The following EXOC4 variants were observed in gnomAD, a reference collection of about 807,000 sequenced individuals.
EXOC4 encodes the protein exocyst complex component 4, also known as SEC8-like 1.
In EXOC4, 71 loss-of-function variants were observed where a neutral mutation model predicts 107.2. The observed-to-expected ratio is 0.66, with a 90% CI of 0.55 to 0.81. EXOC4 has a LOEUF of 0.81. Among genes scored for constraint, EXOC4 ranks in the 30% least tolerant of loss-of-function variants. The probability of loss-of-function intolerance (pLI) is 0.00; values close to 1 mark genes in which losing one functional copy is unlikely to be tolerated. For missense variants in EXOC4, 1,108 were observed against 1,189.6 expected, an observed-to-expected ratio of 0.93 and a Z score of 1.01; for synonymous variants, 456 against 441.2, an observed-to-expected ratio of 1.03 and a Z score of -0.42.
At chr7:133,547,562 T>C (rs1427219304) in intron 9 of EXOC4, among the ~76,000 whole-genome samples, 2 of 152,222 alleles carry the variant, frequency 1.3e-5, no homozygotes, top group South Asian at 4.1e-4. Context: ...CTTTCAACAT[T>C]GGAGTCAATC....
chr7:133,575,612 G>T (rs1430711971), intron 9 of EXOC4, among the ~76,000 whole-genome samples: 1 of 152,182 alleles, frequency 6.6e-6, no homozygotes, highest in African/African-American at 2.4e-5. Flanking sequence ...TGTCCGAAGA[G>T]AACCAGTTCT....
chr7:133,610,462 G>C lies in EXOC4; in HGVS notation c.1418-19583G>C, dbSNP rs116173948. The stretch of plus-strand genomic sequence containing the variant: ...TTTATAAAGTCAGATCTGCCTTCTT[G>C]AAAGTTCCAACCTGTTTATTTTAAT... On this transcript the variant is annotated intron_variant, in intron 9 of 17. Transcript: ENST00000253861. 2.0e-3 allele frequency among the ~76,000 whole-genome samples: 311 copies of C among 152,204 alleles called. 3 individuals carry two copies. Among genetic ancestry groups the C allele is most frequent in the African/African-American group, 7.2e-3 (297 of 41,532 alleles).
At chr7:133,982,908 T>C (rs147057656) in intron 14 of EXOC4, among the ~76,000 whole-genome samples, 9 of 152,322 alleles carry the variant, frequency 5.9e-5, no homozygotes, top group African/African-American at 2.2e-4. Flanking sequence ...AAGATAAAAG[T>C]GAGGTTGTAC....
intron 17 of EXOC4, among the ~76,000 whole-genome samples, chr7:134,048,380 T>C (rs1265141269): frequency 6.6e-6 from 1 of 152,188 alleles, no homozygotes; most frequent in African/African-American, 2.4e-5. Flanking sequence ...GTCATCAAAG[T>C]TTAACTATAA....
chr7:133,423,799 G>A (rs1563060099), intron 7 of EXOC4, among the ~76,000 whole-genome samples: 2 of 152,142 alleles, frequency 1.3e-5, no homozygotes, highest in African/African-American at 4.8e-5. Context: ...TGGCCGGCAC[G>A]GGATCTGGGT....
At position 133,463,687 on chromosome 7, in the gene EXOC4, C is replaced by T. The variant is rs550099074; in HGVS notation, c.1183-11641C>T. ...ACTCAAGTAGTTAGGTTGTAAAATA[C>T]AGTAATCAAACTCATTGAAGTGAAA... On this transcript the variant is annotated intron_variant, in intron 7 of 17. Transcript: ENST00000253861. Among the ~76,000 whole-genome samples, 122 of 151,878 alleles carry T rather than the reference C, an allele frequency of 8.0e-4. 2 individuals are homozygous for T. Among genetic ancestry groups the T allele is most frequent in the Non-Finnish European group, 1.6e-4 (11 of 67,980 alleles).
At chr7:133,596,651 T>A (rs1801682155) in intron 9 of EXOC4, among the ~76,000 whole-genome samples, 1 of 152,188 alleles carries the variant, frequency 6.6e-6, no homozygotes, top group Admixed American at 6.5e-5. Flanking sequence ...CCAGCTTCAT[T>A]TCCCTGCCAA....
chr7:133,629,961 A>G (rs371179648), intron 9 of EXOC4, 84 bp from the exon 10 acceptor site: 1 of 925,266 alleles, frequency 1.1e-6, no homozygotes, highest in Admixed American at 1.8e-5. Context: ...TTATGACAGT[A>G]TAGGACTCAT....
chr7:133,910,359 C>T (rs1338630442), intron 12 of EXOC4, among the ~76,000 whole-genome samples: 2 of 152,044 alleles, frequency 1.3e-5, no homozygotes, highest in African/African-American at 2.4e-5. Flanking sequence ...CTAAATTATC[C>T]CCAAGAGTTA....
chr7:133,401,588 G>T (rs1563051885), intron 7 of EXOC4, among the ~76,000 whole-genome samples: 1 of 151,762 alleles, frequency 6.6e-6, no homozygotes, highest in East Asian at 1.9e-4. Flanking sequence ...CTTGAACACA[G>T]GAGGTTAAGG....
chr7:133,798,755 T>C (rs1267306162), intron 10 of EXOC4, among the ~76,000 whole-genome samples: 1 of 152,130 alleles, frequency 6.6e-6, no homozygotes, highest in African/African-American at 2.4e-5. Flanking sequence ...GTTCTTAATA[T>C]GAGTGGCACA....
intron 12 of EXOC4, among the ~76,000 whole-genome samples, chr7:133,910,780 T>C (rs1799676093): frequency 6.6e-6 from 1 of 152,240 alleles, no homozygotes; most frequent in Non-Finnish European, 1.5e-5. Context: ...GGTTCATTTG[T>C]TGAGCTTGGC....
chr7:134,096,189 C>T, the EXOC4 span, among the ~76,000 whole-genome samples: 1 of 152,142 alleles, frequency 6.6e-6, no homozygotes, highest in Non-Finnish European at 1.5e-5. Flanking sequence ...AAATGTTCAA[C>T]ATCACTAATC....
In EXOC4 at chr7:133,389,595, A is replaced by AAAAAAATG. The variant is rs35982893; in HGVS notation, c.1182+14593_1182+14594insAAAAAATG. ...CAAAAAAAAAAAAAAAAAAAAAAAA[A>AAAAAAATG]GAGAGTCTTAAGTCAGGTTGAAGTT... is the stretch of plus-strand genomic sequence containing the variant. On this transcript the variant is annotated intron_variant, in intron 7 of 17. Coordinates refer to ENST00000253861, the MANE Select transcript of EXOC4 (RefSeq NM_021807.4). Among the ~76,000 whole-genome samples the AAAAAAATG allele has an allele frequency of 8.4e-5, 8 of 95,366 alleles. 1 individual carries two copies. The highest frequency in any genetic ancestry group is 1.3e-4 in the Non-Finnish European group (7 of 52,464). The allele number at this position is 95,366 out of a possible 152,430, so 62.6% of individuals were successfully genotyped here.
At chr7:134,023,998 CAGCAGTGTTAGGGGTGCCCAAATCCA>C (rs1444590822) in intron 17 of EXOC4, among the ~76,000 whole-genome samples, 1 of 152,178 alleles carries the variant, frequency 6.6e-6, no homozygotes, top group African/African-American at 2.4e-5. Context: ...CCTGGCATGG[CAGCAGTGTTAGGGGTGCCCAAATCCA>C]GGAGGAAGGC....
chr7:133,396,833 A>G (rs572262808), intron 7 of EXOC4, among the ~76,000 whole-genome samples: 4 of 152,298 alleles, frequency 2.6e-5, no homozygotes, highest in East Asian at 3.9e-4. Flanking sequence ...TCCCCTTTCA[A>G]TGGGAGAGCT....
At position 133,583,757 on chromosome 7, in the gene EXOC4, A is replaced by G. The variant is rs57023366; in HGVS notation, c.1418-46288A>G. 6.1e-3 allele frequency among the ~76,000 whole-genome samples: 933 copies of G among 152,330 alleles called. 8 individuals are homozygous for G. Among genetic ancestry groups the G allele is most frequent in the African/African-American group, 0.021 (879 of 41,576 alleles). The stretch of plus-strand genomic sequence containing the variant: ...GAATGCCATACTAAGGAATATCACC[A>G]TTATCCTGAAGGCAGAGATAGACTG... On this transcript the variant is annotated intron_variant, in intron 9 of 17. Coordinates refer to ENST00000253861, the MANE Select transcript of EXOC4 (RefSeq NM_021807.4).
At position 133,334,385 on chromosome 7, in the gene EXOC4, G is replaced by T. The variant is rs74877265; in HGVS notation, c.763+16995G>T. 6.0e-3 allele frequency among the ~76,000 whole-genome samples: 916 copies of T among 152,260 alleles called. 10 individuals are homozygous for T. The highest frequency in any genetic ancestry group is 0.018 in the African/African-American group (732 of 41,548). ...AAATCCTTTCTCTCTTCCATGAAGG[G>T]TAAGGATACTATAGATACTCCTTTA... is the stretch of plus-strand genomic sequence containing the variant. On this transcript the variant is annotated intron_variant, in intron 5 of 17. Coordinates refer to ENST00000253861, the MANE Select transcript of EXOC4 (RefSeq NM_021807.4).
intron 10 of EXOC4, among the ~76,000 whole-genome samples, chr7:133,720,959 G>A (rs1175895838): frequency 1.3e-5 from 2 of 152,182 alleles, no homozygotes; most frequent in Admixed American, 1.3e-4. Flanking sequence ...TACATTAAAT[G>A]TGTAGCTTAG....
Sources: allele counts gnomAD v4.1 joint callset (sites outside exome capture counted in the v4.1 genomes callset), GRCh38; gene constraint gnomAD v4.1.1; transcripts MANE v1.5; gene names NCBI Gene and HGNC (gene_info 2026-07-23, HGNC 2026-07-21).